The following SLC9A7 variants were observed in gnomAD, a reference collection of about 807,000 sequenced individuals.
SLC9A7 encodes solute carrier family 9 member A7, also known as sodium/hydrogen exchanger 7.
A neutral mutation model predicts 52.6 loss-of-function variants in SLC9A7; 19 were observed. The observed-to-expected ratio is 0.36, with a 90% CI of 0.25 to 0.53. The LOEUF (loss-of-function observed/expected upper bound fraction) is 0.53. Among genes scored for constraint, SLC9A7 ranks in the 20% least tolerant of loss-of-function variants. SLC9A7 has a pLI of 0.91. For synonymous variants in SLC9A7, 226 were observed against 252.1 expected (o/e 0.90, Z 0.98); for missense variants, 455 against 597.9 (o/e 0.76, Z 2.49).
chrX:46,654,932 G>A (rs1943646739), intron 7 of SLC9A7, among the ~76,000 whole-genome samples: 1 of 108,034 alleles, frequency 9.3e-6, no homozygotes, highest in Admixed American at 9.9e-5. Context: ...GAGATGTGTT[G>A]TAAGAGCAAC....
intron 1 of SLC9A7, chrX:46,725,872 T>C (rs1944937704): frequency 4.3e-6 from 2 of 462,837 alleles, no homozygotes; most frequent in South Asian, 2.8e-5. Context: ...AAACCACTTA[T>C]TTCTTATGAG....
At chrX:46,628,115 G>C in intron 14 of SLC9A7, among the ~76,000 whole-genome samples, 1 of 112,301 alleles carries the variant, frequency 8.9e-6, no homozygotes, top group South Asian at 3.7e-4. Flanking sequence ...TGTTGATATG[G>C]TGAAACTGGG....
intron 11 of SLC9A7, among the ~76,000 whole-genome samples, chrX:46,645,961 G>A (rs1943484486): frequency 8.9e-6 from 1 of 111,923 alleles, no homozygotes; most frequent in South Asian, 3.6e-4. Flanking sequence ...AAGGACTTTT[G>A]TTTTGTATTA....
intron 12 of SLC9A7, among the ~76,000 whole-genome samples, chrX:46,638,906 C>CA (rs566685887): frequency 2.7e-5 from 3 of 110,399 alleles, no homozygotes; most frequent in South Asian, 3.7e-4. Flanking sequence ...AAAAGCAGTA[C>CA]AAAAAAAAAC....
chrX:46,655,504 G>C (rs999788332), intron 7 of SLC9A7, among the ~76,000 whole-genome samples: 1 of 111,605 alleles, frequency 9.0e-6, no homozygotes, highest in Admixed American at 9.5e-5. Flanking sequence ...GTGCAGGTCA[G>C]TGGGTGCGCG....
intron 1 of SLC9A7, among the ~76,000 whole-genome samples, chrX:46,749,453 C>T (rs1480706801): frequency 4.5e-5 from 5 of 111,567 alleles, no homozygotes; most frequent in Non-Finnish European, 1.9e-5. Context: ...GCTGCACAGA[C>T]CCAACCCTAT....
intron 1 of SLC9A7, among the ~76,000 whole-genome samples, chrX:46,707,987 G>A (rs1403934643): frequency 1.8e-5 from 2 of 110,084 alleles, no homozygotes; most frequent in Non-Finnish European, 3.8e-5. Context: ...CGATCCACCC[G>A]CCCTCAGCCT....
intron 4 of SLC9A7, among the ~76,000 whole-genome samples, chrX:46,671,459 C>T (rs1460692763): frequency 9.3e-6 from 1 of 107,625 alleles, no homozygotes; most frequent in African/African-American, 3.4e-5. Context: ...TTAGTAGAGA[C>T]GGGGTTTCAC....
At chrX:46,649,903 C>T (rs926865021) in intron 10 of SLC9A7, among the ~76,000 whole-genome samples, 8 of 112,477 alleles carry the variant, frequency 7.1e-5, no homozygotes, top group Admixed American at 6.6e-4. Context: ...GCTGTGCTCT[C>T]ACTATCTCTC....
intron 1 of SLC9A7, among the ~76,000 whole-genome samples, chrX:46,750,835 C>A (rs1193765251): frequency 1.8e-5 from 2 of 112,330 alleles, no homozygotes; most frequent in African/African-American, 3.2e-5. Flanking sequence ...TTCATAATTG[C>A]CCAAACTTGG....
At chrX:46,653,515 G>A in intron 8 of SLC9A7, 94 bp downstream of exon 8, 1 of 545,022 alleles carries the variant, frequency 1.8e-6, no homozygotes, top group South Asian at 3.0e-5. Flanking sequence ...TAAACTCTGT[G>A]CAGCTGTTAT....
At chrX:46,701,709 G>T (rs1487242114) in intron 1 of SLC9A7, among the ~76,000 whole-genome samples, 1 of 112,018 alleles carries the variant, frequency 8.9e-6, no homozygotes, top group Admixed American at 9.5e-5. Context: ...TACATGGGGG[G>T]AGTGGTTCAA....
chrX:46,637,643 G>A (rs1467842867), intron 12 of SLC9A7, among the ~76,000 whole-genome samples: 1 of 111,549 alleles, frequency 9.0e-6, no homozygotes, highest in Non-Finnish European at 1.9e-5. Context: ...CCTAGAAGAC[G>A]GCCACCATGC....
rs763358658 is a variant in SLC9A7, at chrX:46,682,339, C to T, written c.522G>A (p.Arg174=). ...INSVEQNDML[R]KVTFDPEVFF... ...TGGCTGAGTGTCCCCAGCTCACCTT[C>T]CGTAGCATATCATTCTGCTCTACGC... Residue 174 remains arginine (R), a synonymous_variant, in exon 2 of 17, where the codon CGG becomes CGA. Coordinates refer to ENST00000616978, the MANE Select transcript of SLC9A7 (RefSeq NM_001257291.2). 15 of 1,210,804 alleles carry T rather than the reference C, an allele frequency of 1.2e-5. No individual in the cohort carries two copies. In the South Asian group the frequency reaches 2.6e-4, roughly 21 times the overall value.
intron 1 of SLC9A7, among the ~76,000 whole-genome samples, chrX:46,688,551 C>T (rs1481012774): frequency 9.6e-6 from 1 of 104,040 alleles, no homozygotes; most frequent in Non-Finnish European, 1.9e-5. Flanking sequence ...GAGCCAAGAT[C>T]GTGCCATTGC....
At chrX:46,657,932 C>G (rs1395793835) in intron 7 of SLC9A7, among the ~76,000 whole-genome samples, 1 of 98,262 alleles carries the variant, frequency 1.0e-5, no homozygotes, top group Non-Finnish European at 2.1e-5. Context: ...TTTTTCAGCA[C>G]CACACCACAC....
chrX:46,748,391 G>T (rs1194203248), intron 1 of SLC9A7, among the ~76,000 whole-genome samples: 1 of 102,132 alleles, frequency 9.8e-6, no homozygotes, highest in Non-Finnish European at 2.0e-5. Context: ...AAGGAAGGAA[G>T]GAAGGAAGGA....
intron 1 of SLC9A7, among the ~76,000 whole-genome samples, chrX:46,684,577 T>C (rs888200526): frequency 2.7e-5 from 3 of 112,047 alleles, no homozygotes; most frequent in African/African-American, 6.5e-5. Context: ...TAGGGAAAAG[T>C]AATGAAAGCT....
At chrX:46,715,845 T>C (rs1334804855) in intron 1 of SLC9A7, among the ~76,000 whole-genome samples, 4 of 112,037 alleles carry the variant, frequency 3.6e-5, no homozygotes, top group Non-Finnish European at 7.5e-5. Flanking sequence ...CTAATGTAAG[T>C]GTTCTGAGCA....
Sources: gnomAD v4.1 joint callset for allele counts (sites outside exome capture counted in the v4.1 genomes callset) on GRCh38, gnomAD v4.1.1 for gene constraint, MANE v1.5 for transcripts, NCBI Gene and HGNC (gene_info 2026-07-23, HGNC 2026-07-21) for gene names.